RBM6: variants seen among roughly 807,000 people sequenced by gnomAD.
RBM6 encodes RNA-binding protein 6.
In RBM6, 23 loss-of-function variants were observed where a neutral mutation model predicts 140.4. The observed-to-expected ratio is 0.16, with a 90% CI of 0.12 to 0.23. The LOEUF is 0.23. Ranked by LOEUF, RBM6 falls within the 10% of genes least tolerant of loss-of-function variation. RBM6 has a pLI of 1.00. For missense variants in RBM6, 1,139 were observed against 1,386.7 expected, an observed-to-expected ratio of 0.82 and a Z score of 2.84; for synonymous variants, 439 against 475.6, an observed-to-expected ratio of 0.92 and a Z score of 1.00.
At chr3:50,058,135 A>G (rs775802763) in intron 9 of RBM6, 132 bp downstream of exon 9, 311 of 1,183,400 alleles carry the variant, frequency 2.6e-4, no homozygotes, top group Non-Finnish European at 2.9e-4. Flanking sequence ...GACAGAGGCC[A>G]TTGCTGTCTG....
intron 4 of RBM6, among the ~76,000 whole-genome samples, chr3:49,973,846 A>T (rs1300099213): frequency 6.6e-6 from 1 of 151,344 alleles, no homozygotes; most frequent in East Asian, 1.9e-4. Flanking sequence ...TCGGCCTCTC[A>T]AAGTGCTGAG....
intron 19 of RBM6, among the ~76,000 whole-genome samples, chr3:50,070,975 G>A (rs1280791330): frequency 6.6e-6 from 1 of 152,192 alleles, no homozygotes; most frequent in Non-Finnish European, 1.5e-5. Context: ...CAGTCAGCTA[G>A]TTCCCAAGTT....
intron 6 of RBM6, among the ~76,000 whole-genome samples, chr3:50,024,201 G>C (rs1372893465): frequency 1.3e-5 from 2 of 152,136 alleles, no homozygotes; most frequent in Admixed American, 1.3e-4. Flanking sequence ...TGAAGAGCTT[G>C]AATAAAATAG....
chr3:49,968,131 A>G lies in RBM6; in HGVS notation c.706A>G (p.Arg236Gly). 1 of 1,614,224 alleles carries G rather than the reference A, an allele frequency of 6.2e-7. No homozygotes were observed. The highest frequency in any genetic ancestry group is 8.5e-7 in the Non-Finnish European group (1 of 1,180,048). Residue 236 changes from arginine to glycine, a missense_variant, in exon 3 of 21, where the codon AGA becomes GGA. Coordinates refer to ENST00000266022, the MANE Select transcript of RBM6 (RefSeq NM_005777.3). ...CAAAGACGGAACACAAGTAGACTTT[A>G]GAGGCCGAGGTTCAGGTACTACTGA... Reference protein sequence around the residue: ...RDKDGTQVDFRGRGSGTTDLD... With the variant: ...RDKDGTQVDFGGRGSGTTDLD...
chr3:49,950,639 C>T (rs1017247494), intron 1 of RBM6, among the ~76,000 whole-genome samples: 1 of 151,904 alleles, frequency 6.6e-6, no homozygotes, highest in Non-Finnish European at 1.5e-5. Flanking sequence ...CCTGTAATCC[C>T]AGCTACTCGG....
At chr3:49,978,712 A>G (rs182979585) in intron 5 of RBM6, among the ~76,000 whole-genome samples, 29 of 152,332 alleles carry the variant, frequency 1.9e-4, no homozygotes, top group Non-Finnish European at 3.1e-4. Context: ...AGGAGTAAAT[A>G]AAGTCTCACA....
chr3:49,961,011 G>A (rs2084255617), intron 1 of RBM6, among the ~76,000 whole-genome samples: 1 of 150,126 alleles, frequency 6.7e-6, no homozygotes, highest in Non-Finnish European at 1.5e-5. Flanking sequence ...CTGGGTTCAA[G>A]CGATCCTCCC....
At chr3:50,059,816 G>C (rs1242231288) in intron 11 of RBM6, 70 bp downstream of exon 11, 1 of 1,246,256 alleles carries the variant, frequency 8.0e-7, no homozygotes, top group Non-Finnish European at 1.1e-6. Context: ...TCCTTTTCCT[G>C]GCTGGAAAAA....
At chr3:49,963,111 CAA>C (rs1219576596) in intron 2 of RBM6, 9 of 67,356 alleles carry the variant, frequency 1.3e-4, no homozygotes, top group East Asian at 3.8e-4. Context: ...AAAACAAAAA[CAA>C]AAAAAAAAAA....
In RBM6 at chr3:49,975,387, A is replaced by G. The variant is rs1467264533; in HGVS notation, c.1478A>G (p.Asn493Ser). 1.9e-6 allele frequency: 3 copies of G among 1,612,402 alleles called. No individual in the cohort carries two copies. Among genetic ancestry groups the G allele is most frequent in the African/African-American group, 1.3e-5 (1 of 74,904 alleles). ...AAGAACTTGCAGTTGAAGGAGTATA[A>G]CACAGGTGAGTTTCTTGACTTGCAT... ...PVKNLQLKEY[N>S]TGYDYGYVCV... The change falls in exon 5 of 21, where the codon AAC becomes AGC. Residue 493 changes from asparagine (N) to serine (S), a missense_variant. Transcript: ENST00000266022.
At chr3:49,978,938 A>C (rs1444666124) in intron 5 of RBM6, among the ~76,000 whole-genome samples, 1 of 152,188 alleles carries the variant, frequency 6.6e-6, no homozygotes, top group Non-Finnish European at 1.5e-5. Flanking sequence ...CCAGGAGTAA[A>C]ATGTCTTTTG....
chr3:50,056,442 C>T (rs1575829430), intron 8 of RBM6, among the ~76,000 whole-genome samples: 1 of 151,886 alleles, frequency 6.6e-6, no homozygotes, highest in East Asian at 1.9e-4. Context: ...TTACAGGCAC[C>T]CGCCACCGTG....
intron 1 of RBM6, among the ~76,000 whole-genome samples, chr3:49,950,278 A>G (rs1424392208): frequency 2.6e-5 from 4 of 152,154 alleles, no homozygotes; most frequent in Non-Finnish European, 4.4e-5. Context: ...AAGCTGCTGC[A>G]TACCACAGCT....
At chr3:50,042,457 G>A (rs550983990) in intron 6 of RBM6, among the ~76,000 whole-genome samples, 1 of 152,264 alleles carries the variant, frequency 6.6e-6, no homozygotes, top group Non-Finnish European at 1.5e-5. Flanking sequence ...TTGAGGCTGG[G>A]CACCATAACT....
intron 14 of RBM6, 99 bp from the exon 15 acceptor site, chr3:50,061,863 G>C (rs2089956184): frequency 1.4e-6 from 2 of 1,454,382 alleles, no homozygotes; most frequent in Admixed American, 2.4e-5. Flanking sequence ...AAGTAAAAAA[G>C]TTGTTTCTTC....
intron 4 of RBM6, 77 bp downstream of exon 4, chr3:49,972,225 T>G: frequency 8.6e-7 from 1 of 1,166,124 alleles, no homozygotes; most frequent in Non-Finnish European, 1.2e-6. Flanking sequence ...AAATTGTAGA[T>G]TCACAAGAAG....
intron 6 of RBM6, among the ~76,000 whole-genome samples, chr3:50,026,808 G>T (rs1236557839): frequency 1.3e-5 from 2 of 149,782 alleles, no homozygotes; most frequent in Non-Finnish European, 2.9e-5. Flanking sequence ...AGCTATTGGG[G>T]AAGCCGAGGT....
intron 5 of RBM6, among the ~76,000 whole-genome samples, chr3:49,991,506 T>A (rs1040538120): frequency 3.3e-5 from 5 of 152,104 alleles, no homozygotes; most frequent in African/African-American, 1.2e-4. Flanking sequence ...AGAGTTGTCT[T>A]ATTAGAACAA....
intron 6 of RBM6, among the ~76,000 whole-genome samples, chr3:50,033,676 T>G (rs573549191): frequency 6.6e-6 from 1 of 152,248 alleles, no homozygotes; most frequent in South Asian, 2.1e-4. Flanking sequence ...AGATGGAGTC[T>G]CGCTCTGTCA....
Sources: allele counts gnomAD v4.1 joint callset (sites outside exome capture counted in the v4.1 genomes callset), GRCh38; gene constraint gnomAD v4.1.1; transcripts MANE v1.5; gene names NCBI Gene and HGNC (gene_info 2026-07-23, HGNC 2026-07-21).